FGGY: variants seen among roughly 807,000 people sequenced by gnomAD.
The protein encoded by FGGY is FGGY carbohydrate kinase domain-containing protein.
In FGGY, 72 loss-of-function variants were observed where a neutral mutation model predicts 71.3. The ratio of observed to expected loss-of-function variants is 1.01; its 90% CI spans 0.84 to 1.23. The LOEUF is 1.23. Among genes scored for constraint, FGGY ranks in the 50% most tolerant of loss-of-function variants. FGGY has a pLI of 0.00. For synonymous variants in FGGY, 251 were observed against 250.3 expected (o/e 1.00, Z -0.02); for missense variants, 668 against 682.3 (o/e 0.98, Z 0.23).
rs533722185 is a variant in FGGY, at chr1:59,697,619, T to C, written c.1512+23486T>C. The C allele has an allele frequency of 2.2e-5, 28 of 1,254,492 alleles. No individual in the cohort carries two copies. The South Asian group carries it at 3.4e-4, about 15-fold the overall frequency. 77.7% of individuals were successfully genotyped at this position (1,254,492 alleles called of 1,614,324 possible). On this transcript the variant is annotated intron_variant, in intron 14 of 15. Coordinates refer to ENST00000303721, the MANE Select transcript of FGGY (RefSeq NM_018291.5). ...CATCGTCGCTGTGAAGACTTTGGCGTGCTTAACATTTTTGTGACTTCTTTC... is the reference window on the plus strand; with the variant it reads ...CATCGTCGCTGTGAAGACTTTGGCGCGCTTAACATTTTTGTGACTTCTTTC...
chr1:59,653,352 C>T (rs940764576), intron 11 of FGGY, among the ~76,000 whole-genome samples: 1 of 152,188 alleles, frequency 6.6e-6, no homozygotes, highest in Non-Finnish European at 1.5e-5. Flanking sequence ...CTCCCCCAGC[C>T]TTGCTGCCGC....
chr1:59,371,216 A>G (rs2057566847), intron 4 of FGGY, among the ~76,000 whole-genome samples: 1 of 152,148 alleles, frequency 6.6e-6, no homozygotes, highest in Non-Finnish European at 1.5e-5. Context: ...AGGAAGATCT[A>G]CCAAGCAAAT....
At chr1:59,729,525 T>C (rs2097996961) in intron 14 of FGGY, among the ~76,000 whole-genome samples, 1 of 152,214 alleles carries the variant, frequency 6.6e-6, no homozygotes, top group African/African-American at 2.4e-5. Context: ...GAACTGTGTT[T>C]AATGTTTGTT....
At chr1:59,533,958 G>A (rs971897955) in intron 7 of FGGY, among the ~76,000 whole-genome samples, 1 of 152,240 alleles carries the variant, frequency 6.6e-6, no homozygotes, top group African/African-American at 2.4e-5. Flanking sequence ...TTCCTCACCA[G>A]CAACGGAACA....
intron 8 of FGGY, among the ~76,000 whole-genome samples, chr1:59,602,732 G>A (rs941856173): frequency 6.6e-6 from 1 of 152,122 alleles, no homozygotes; most frequent in African/African-American, 2.4e-5. Context: ...TTGCTTCAAG[G>A]TGGCCATCTC....
intron 14 of FGGY, among the ~76,000 whole-genome samples, chr1:59,738,286 T>A (rs1056442019): frequency 6.6e-6 from 1 of 152,140 alleles, no homozygotes. Context: ...TCATAATATA[T>A]GAATAAATGA....
chr1:59,707,948 AG>A (rs1280754364), intron 14 of FGGY, among the ~76,000 whole-genome samples: 1 of 152,252 alleles, frequency 6.6e-6, no homozygotes, highest in Admixed American at 6.5e-5. Flanking sequence ...AATTTAAAAA[AG>A]TATCAAAGCT....
At chr1:59,654,289 T>C (rs10889148) in intron 11 of FGGY, among the ~76,000 whole-genome samples, 127,374 of 152,178 alleles carry the variant, frequency 0.84, 53,467 homozygotes, top group Middle Eastern at 0.92. Flanking sequence ...CCTTTTCCCT[T>C]TAGAGGCTTC....
chr1:59,517,628 C>T (rs377146936), intron 7 of FGGY, among the ~76,000 whole-genome samples: 25 of 152,272 alleles, frequency 1.6e-4, no homozygotes, highest in African/African-American at 5.1e-4. Flanking sequence ...TTGACTTAAG[C>T]ACTCTCTTTT....
At chr1:59,389,426 A>T (rs1213840394) in intron 5 of FGGY, among the ~76,000 whole-genome samples, 1 of 152,172 alleles carries the variant, frequency 6.6e-6, no homozygotes, top group East Asian at 1.9e-4. Context: ...GAATAATCAC[A>T]TCCTATTGTG....
At chr1:59,461,521 C>T (rs973329988) in intron 6 of FGGY, among the ~76,000 whole-genome samples, 3 of 152,160 alleles carry the variant, frequency 2.0e-5, no homozygotes, top group African/African-American at 7.2e-5. Context: ...AGGAGAACTT[C>T]CCTAACCTAG....
chr1:59,532,296 T>C lies in FGGY; in HGVS notation c.799+19857T>C, dbSNP rs78562890. On this transcript the variant is annotated intron_variant, in intron 7 of 15. Transcript: ENST00000303721. ...CTGAAACATAGATCTGAAAAATCTA[T>C]TTATACTACAGCCAGTATACAAAAG... Among the ~76,000 whole-genome samples the C allele has an allele frequency of 4.8e-4, 73 of 152,286 alleles. 1 individual carries two copies. In the East Asian group the frequency reaches 0.013, roughly 28 times the overall value.
chr1:59,469,792 C>T (rs1265992371), intron 6 of FGGY, among the ~76,000 whole-genome samples: 1 of 152,154 alleles, frequency 6.6e-6, no homozygotes, highest in African/African-American at 2.4e-5. Context: ...TTATCCCCCT[C>T]ATTGTGTCCG....
At chr1:59,487,588 A>G (rs2153578654) in intron 6 of FGGY, among the ~76,000 whole-genome samples, 1 of 152,328 alleles carries the variant, frequency 6.6e-6, no homozygotes, top group Non-Finnish European at 1.5e-5. Flanking sequence ...GTTACTCAGC[A>G]TTAAGATCTG....
chr1:59,460,058 A>G (rs934212886), intron 6 of FGGY, among the ~76,000 whole-genome samples: 1 of 152,148 alleles, frequency 6.6e-6, no homozygotes, highest in African/African-American at 2.4e-5. Context: ...GGCAGGAGAC[A>G]GTTTCTTGAG....
Position 59,722,070 on chromosome 1 carries a change from T to C in FGGY, c.1513-35861T>C, listed in dbSNP as rs575901640. Among the ~76,000 whole-genome samples, 9 of 152,244 alleles carry C rather than the reference T, an allele frequency of 5.9e-5. No individual in the cohort carries two copies. In the South Asian group the frequency reaches 1.7e-3, roughly 28 times the overall value. On this transcript the variant is annotated intron_variant, in intron 14 of 15. Transcript: ENST00000303721. ...GACACCACGTTACATTTAGTCATCA[T>C]GTCTCCTTAAGCTTTTCTGGCTTTT...
chr1:59,667,445 G>A (rs367698089), intron 13 of FGGY, 42 bp downstream of exon 13: 11 of 1,606,284 alleles, frequency 6.8e-6, no homozygotes, highest in Non-Finnish European at 8.5e-6. Flanking sequence ...TTTTGGCTTG[G>A]CAGCAAATGG....
chr1:59,446,240 C>A (rs2071215341), intron 5 of FGGY, among the ~76,000 whole-genome samples: 1 of 152,152 alleles, frequency 6.6e-6, no homozygotes, highest in Non-Finnish European at 1.5e-5. Flanking sequence ...ACTTTAAGAT[C>A]TTTTGTTTTC....
At chr1:59,704,183 A>G (rs1241491190) in intron 14 of FGGY, among the ~76,000 whole-genome samples, 1 of 152,130 alleles carries the variant, frequency 6.6e-6, no homozygotes, top group Admixed American at 6.5e-5. Context: ...CCAGCTGAGC[A>G]TCTTACCATT....
Sources: gnomAD v4.1 joint callset for allele counts (sites outside exome capture counted in the v4.1 genomes callset) on GRCh38, gnomAD v4.1.1 for gene constraint, MANE v1.5 for transcripts, NCBI Gene and HGNC (gene_info 2026-07-23, HGNC 2026-07-21) for gene names.